Variants in COG6 observed in about 807,000 individuals in gnomAD.
The protein encoded by COG6 is conserved oligomeric Golgi complex subunit 6.
Under a neutral mutation model 88.8 loss-of-function variants are expected in COG6, and 74 were observed. The ratio of observed to expected loss-of-function variants is 0.83; its 90% CI spans 0.69 to 1.01. The LOEUF is 1.01. Ranked by LOEUF, COG6 falls within the 50% of genes least tolerant of loss-of-function variation. The pLI is 0.00. For synonymous variants in COG6, 286 were observed against 278.7 expected, an observed-to-expected ratio of 1.03 and a Z score of -0.26; for missense variants, 800 against 797.9, an observed-to-expected ratio of 1.00 and a Z score of -0.03.
intron 18 of COG6, among the ~76,000 whole-genome samples, chr13:39,732,883 T>A (rs1383095963): frequency 6.6e-6 from 1 of 152,040 alleles, no homozygotes; most frequent in Non-Finnish European, 1.5e-5. Flanking sequence ...ACCCAAGAAA[T>A]TAAATACCAA....
chr13:39,706,406 A>T (rs969597797), intron 13 of COG6, among the ~76,000 whole-genome samples: 1 of 150,922 alleles, frequency 6.6e-6, no homozygotes, highest in Admixed American at 6.6e-5. Context: ...CACAACAGAA[A>T]ATTATAGGAC....
chr13:39,723,791 T>C (rs1458621626), intron 16 of COG6, among the ~76,000 whole-genome samples: 2 of 152,104 alleles, frequency 1.3e-5, no homozygotes, highest in Non-Finnish European at 2.9e-5. Flanking sequence ...ATATTCATAC[T>C]GGTAAGTTTT....
intron 18 of COG6, among the ~76,000 whole-genome samples, chr13:39,748,137 ACT>A (rs931118886): frequency 2.6e-5 from 4 of 152,210 alleles, no homozygotes; most frequent in Non-Finnish European, 1.5e-5. Flanking sequence ...AACTAAGAAC[ACT>A]GTTTCTAAAA....
At chr13:39,781,293 G>A (rs73179582) in intron 18 of COG6, among the ~76,000 whole-genome samples, 5,881 of 152,192 alleles carry the variant, frequency 0.039, 158 homozygotes, top group South Asian at 0.063. Flanking sequence ...CATCAAATTA[G>A]GTCCAAGCAT....
chr13:39,787,742 G>A (rs1027894159), intron 18 of COG6, among the ~76,000 whole-genome samples: 1 of 152,010 alleles, frequency 6.6e-6, no homozygotes, highest in African/African-American at 2.4e-5. Flanking sequence ...ACAACAATAC[G>A]ACATTAAAAC....
intron 18 of COG6, among the ~76,000 whole-genome samples, chr13:39,730,055 C>T (rs1054489199): frequency 6.6e-6 from 1 of 151,996 alleles, no homozygotes; most frequent in East Asian, 1.9e-4. Flanking sequence ...CTTTTATTGT[C>T]CTGTTGTCTA....
chr13:39,657,625 T>G (rs1257768147), intron 1 of COG6, among the ~76,000 whole-genome samples: 1 of 152,158 alleles, frequency 6.6e-6, no homozygotes, highest in Non-Finnish European at 1.5e-5. Context: ...GTTTTACTGT[T>G]TTTGTCAATC....
chr13:39,670,477 G>A (rs1482949283), intron 4 of COG6, among the ~76,000 whole-genome samples: 1 of 151,984 alleles, frequency 6.6e-6, no homozygotes, highest in East Asian at 1.9e-4. Context: ...CCTTGGGTAA[G>A]AGATTATTAG....
At chr13:39,733,476 A>C (rs571672094) in intron 18 of COG6, among the ~76,000 whole-genome samples, 1 of 152,214 alleles carries the variant, frequency 6.6e-6, no homozygotes, top group East Asian at 1.9e-4. Context: ...GGTGTGAGCC[A>C]CTGTGCCCGG....
At chr13:39,752,640 A>G, downstream of COG6, 1 of 1,258,608 alleles carries the variant, frequency 7.9e-7, no homozygotes, top group Admixed American at 2.6e-5. Context: ...CTAGAGCAGC[A>G]ATTATTGCAG....
intron 8 of COG6, among the ~76,000 whole-genome samples, chr13:39,685,153 C>T (rs925854555): frequency 6.6e-6 from 1 of 151,984 alleles, no homozygotes; most frequent in Admixed American, 6.5e-5. Context: ...ATTTCTTTAA[C>T]TGTAGCTAAA....
At chr13:39,683,211 C>T (rs1423460985) in intron 8 of COG6, among the ~76,000 whole-genome samples, 1 of 152,136 alleles carries the variant, frequency 6.6e-6, no homozygotes, top group Non-Finnish European at 1.5e-5. Flanking sequence ...TTTATGGAAC[C>T]AGAGATAAAC....
chr13:39,791,635 A>G (rs1881941638), exon 19 of COG6: 1 of 152,048 alleles, frequency 6.6e-6, no homozygotes, highest in Admixed American at 6.6e-5. Flanking sequence ...CGAGGCAACC[A>G]ACATTTTAAA....
At chr13:39,781,753 C>T (rs1407463473) in intron 18 of COG6, among the ~76,000 whole-genome samples, 1 of 152,126 alleles carries the variant, frequency 6.6e-6, no homozygotes, top group Non-Finnish European at 1.5e-5. Flanking sequence ...AAGCACCTGG[C>T]AGGGTCACCA....
At chr13:39,745,417 G>A (rs1041173043) in intron 18 of COG6, among the ~76,000 whole-genome samples, 1 of 151,974 alleles carries the variant, frequency 6.6e-6, no homozygotes, top group African/African-American at 2.4e-5. Context: ...TCAAAAAGTG[G>A]GCAAAGGATA....
intron 18 of COG6, among the ~76,000 whole-genome samples, chr13:39,771,158 T>C (rs1369634102): frequency 6.6e-6 from 1 of 152,100 alleles, no homozygotes; most frequent in African/African-American, 2.4e-5. Flanking sequence ...CTTAGGGTCA[T>C]TCCATACAAG....
chr13:39,732,455 A>C (rs1409529072), intron 18 of COG6, among the ~76,000 whole-genome samples: 1 of 152,278 alleles, frequency 6.6e-6, no homozygotes, highest in East Asian at 1.9e-4. Flanking sequence ...CAGTAAAAAC[A>C]TACTTACAAA....
intron 18 of COG6, among the ~76,000 whole-genome samples, chr13:39,748,670 C>G (rs372682237): frequency 1.2e-4 from 18 of 151,948 alleles, no homozygotes; most frequent in African/African-American, 4.1e-4. Flanking sequence ...GTTTTCTAAA[C>G]CAGTTTCTAC....
chr13:39,682,937 G>A (rs1196350564), intron 8 of COG6, among the ~76,000 whole-genome samples: 4 of 151,998 alleles, frequency 2.6e-5, no homozygotes, highest in African/African-American at 9.7e-5. Flanking sequence ...CTGAAAACAG[G>A]AAACGAGGGG....
Sources: allele counts gnomAD v4.1 joint callset (sites outside exome capture counted in the v4.1 genomes callset), GRCh38; gene constraint gnomAD v4.1.1; transcripts MANE v1.5; gene names NCBI Gene and HGNC (gene_info 2026-07-23, HGNC 2026-07-21).